The following STIM2 variants were observed in gnomAD, a reference collection of about 807,000 sequenced individuals.
STIM2 encodes the protein stromal interaction molecule 2.
In STIM2, 31 loss-of-function variants were observed where a neutral mutation model predicts 85.8. The observed-to-expected ratio is 0.36, with a 90% CI of 0.27 to 0.49. The LOEUF (loss-of-function observed/expected upper bound fraction) is 0.49. Ranked by LOEUF, STIM2 falls within the 20% of genes least tolerant of loss-of-function variation. The probability of loss-of-function intolerance (pLI) is 0.98; values close to 1 mark genes in which losing one functional copy is unlikely to be tolerated. For missense variants in STIM2, 841 were observed against 927.6 expected (o/e 0.91, Z 1.21); for synonymous variants, 356 against 331.1 (o/e 1.08, Z -0.82).
chr4:26,945,861 A>C (rs1433908483), intron 2 of STIM2, among the ~76,000 whole-genome samples: 3 of 151,988 alleles, frequency 2.0e-5, no homozygotes, highest in African/African-American at 7.3e-5. Flanking sequence ...TGTTGCTGTG[A>C]ACTTAACAAG....
At chr4:26,904,889 G>A (rs1269613181) in intron 1 of STIM2, among the ~76,000 whole-genome samples, 3 of 152,032 alleles carry the variant, frequency 2.0e-5, no homozygotes, top group Admixed American at 1.3e-4. Flanking sequence ...GGGGCTAAGA[G>A]ATTTAGTTTA....
intron 2 of STIM2, among the ~76,000 whole-genome samples, chr4:26,956,308 A>G (rs1726235373): frequency 6.6e-6 from 1 of 152,222 alleles, no homozygotes; most frequent in East Asian, 1.9e-4. Context: ...ATAAGGCCTA[A>G]AAGATTCTCA....
chr4:26,974,550 A>G (rs1727106343), intron 3 of STIM2, among the ~76,000 whole-genome samples: 1 of 152,232 alleles, frequency 6.6e-6, no homozygotes, highest in Admixed American at 6.5e-5. Flanking sequence ...TTCTTTAAGA[A>G]TGTTGAATAT....
At chr4:26,957,768 A>G (rs779315375) in intron 3 of STIM2, 42 bp downstream of exon 3, 2 of 1,245,586 alleles carry the variant, frequency 1.6e-6, no homozygotes, top group Non-Finnish European at 2.3e-6. Flanking sequence ...CCTTCTGCAC[A>G]TCTAGCCTGC....
intron 10 of STIM2, among the ~76,000 whole-genome samples, chr4:27,015,550 C>T (rs1462696242): frequency 1.3e-5 from 2 of 151,824 alleles, no homozygotes; most frequent in Admixed American, 1.3e-4. Flanking sequence ...TATTTTCAGT[C>T]TCACTTGAAA....
intron 1 of STIM2, chr4:26,861,690 G>A (rs949707837): frequency 1.8e-5 from 4 of 217,574 alleles, no homozygotes; most frequent in Non-Finnish European, 3.5e-5. Context: ...CAGGGGACTG[G>A]GCTGATTTTT....
At chr4:26,941,659 T>A (rs770590214) in intron 2 of STIM2, among the ~76,000 whole-genome samples, 54 of 151,260 alleles carry the variant, frequency 3.6e-4, no homozygotes, top group Admixed American at 3.3e-4. Context: ...AAAATTATAC[T>A]ATGTAGCAAA....
intron 1 of STIM2, among the ~76,000 whole-genome samples, chr4:26,864,839 T>C (rs575791269): frequency 6.6e-6 from 1 of 152,308 alleles, no homozygotes; most frequent in African/African-American, 2.4e-5. Flanking sequence ...GTTGTGGGGC[T>C]TTCATTAATT....
chr4:26,991,497 A>G (rs182495572), intron 3 of STIM2, among the ~76,000 whole-genome samples: 54 of 152,212 alleles, frequency 3.5e-4, no homozygotes, highest in African/African-American at 1.3e-3. Context: ...AATAAGTTCT[A>G]GTATTTGATA....
At chr4:26,911,252 AAATAAAATG>A (rs933908520) in intron 1 of STIM2, among the ~76,000 whole-genome samples, 2 of 140,902 alleles carry the variant, frequency 1.4e-5, no homozygotes, top group African/African-American at 4.9e-5. Flanking sequence ...ATAAATAAAT[AAATAAAATG>A]AAATGAAATA....
At chr4:26,913,835 A>G (rs1239882173) in intron 1 of STIM2, among the ~76,000 whole-genome samples, 1 of 152,238 alleles carries the variant, frequency 6.6e-6, no homozygotes, top group Non-Finnish European at 1.5e-5. Context: ...AAGAGGAATG[A>G]TCAAAACAAA....
At chr4:26,973,720 T>G (rs1050243308) in intron 3 of STIM2, among the ~76,000 whole-genome samples, 2 of 152,218 alleles carry the variant, frequency 1.3e-5, no homozygotes, top group African/African-American at 4.8e-5. Context: ...TTCTGTTGAT[T>G]AGGGCTGGAG....
At chr4:26,982,667 G>A (rs2109114788) in intron 3 of STIM2, among the ~76,000 whole-genome samples, 1 of 152,204 alleles carries the variant, frequency 6.6e-6, no homozygotes, top group South Asian at 2.1e-4. Flanking sequence ...TAGCTGAATT[G>A]CTGTTTAGAA....
intron 3 of STIM2, among the ~76,000 whole-genome samples, chr4:26,972,603 G>T (rs1727004135): frequency 1.3e-5 from 2 of 152,202 alleles, no homozygotes; most frequent in South Asian, 4.1e-4. Context: ...CTTGATTGTG[G>T]TGGATAAGCT....
intron 10 of STIM2, among the ~76,000 whole-genome samples, chr4:27,016,683 T>C (rs564392341): frequency 5.9e-5 from 9 of 152,324 alleles, no homozygotes; most frequent in African/African-American, 2.2e-4. Flanking sequence ...CACTGAGGAA[T>C]GTAGCCCTTC....
At chr4:26,879,237 TC>T (rs1722917083) in intron 1 of STIM2, among the ~76,000 whole-genome samples, 1 of 152,216 alleles carries the variant, frequency 6.6e-6, no homozygotes. Context: ...GCATAGATCT[TC>T]CATTTTTGTA....
chr4:26,934,002 T>C (rs1725305738), intron 2 of STIM2, among the ~76,000 whole-genome samples: 1 of 152,084 alleles, frequency 6.6e-6, no homozygotes, highest in South Asian at 2.1e-4. Flanking sequence ...GAGACCACCC[T>C]GGCCAACTTG....
Position 26,995,443 on chromosome 4 carries a change from TGAG to T in STIM2, c.463_465del (p.Glu155del). On this transcript the variant is annotated inframe_deletion, in exon 4 of 12. Transcript: ENST00000467087. ...TAGAGTTTGTTGAACTACCCCAATA[TGAG>T]AAGAATTTTAGAGACAACAATGTCA... 1 of 1,603,190 alleles carries T rather than the reference TGAG, an allele frequency of 6.2e-7. No homozygotes were observed. Among genetic ancestry groups the T allele is most frequent in the Non-Finnish European group, 8.5e-7 (1 of 1,175,074 alleles).
intron 1 of STIM2, among the ~76,000 whole-genome samples, chr4:26,895,315 C>T (rs1698956029): frequency 6.6e-6 from 1 of 152,122 alleles, no homozygotes; most frequent in Non-Finnish European, 1.5e-5. Flanking sequence ...AGAGGTCTTG[C>T]AGCTTGTTGT....
Sources: allele counts gnomAD v4.1 joint callset (sites outside exome capture counted in the v4.1 genomes callset), GRCh38; gene constraint gnomAD v4.1.1; transcripts MANE v1.5; gene names NCBI Gene and HGNC (gene_info 2026-07-23, HGNC 2026-07-21).